STIM2: variants seen among roughly 807,000 people sequenced by gnomAD.
STIM2 encodes the protein stromal interaction molecule 2.
STIM2 carries 31 observed loss-of-function variants against 85.8 expected under a neutral mutation model. The observed-to-expected ratio is 0.36, with a 90% CI of 0.27 to 0.49. STIM2 has a LOEUF of 0.49. STIM2 is among the 20% of genes least tolerant of loss of function. The pLI, the probability that STIM2 is intolerant of heterozygous loss-of-function variation, is 0.98. For missense variants in STIM2, 841 were observed against 927.6 expected (o/e 0.91, Z 1.21); for synonymous variants, 356 against 331.1 (o/e 1.08, Z -0.82).
intron 3 of STIM2, among the ~76,000 whole-genome samples, chr4:26,994,547 T>A (rs1727887788): frequency 6.6e-6 from 1 of 152,106 alleles, no homozygotes; most frequent in Admixed American, 6.6e-5. Context: ...GACTGGACCA[T>A]TTTTAGTCTT....
chr4:26,923,252 T>C (rs558887774), intron 2 of STIM2, among the ~76,000 whole-genome samples: 249 of 150,162 alleles, frequency 1.7e-3, no homozygotes, highest in Non-Finnish European at 2.7e-3. Flanking sequence ...AGACCAAAAG[T>C]AGATAAAACC....
At chr4:26,921,991 C>A (rs1267245375) in intron 2 of STIM2, among the ~76,000 whole-genome samples, 1 of 152,166 alleles carries the variant, frequency 6.6e-6, no homozygotes, top group East Asian at 1.9e-4. Flanking sequence ...GAACCACCGA[C>A]TATATGATAA....
intron 1 of STIM2, among the ~76,000 whole-genome samples, chr4:26,890,411 T>C (rs958785381): frequency 6.6e-6 from 1 of 152,168 alleles, no homozygotes; most frequent in Non-Finnish European, 1.5e-5. Flanking sequence ...TGCCCCACTT[T>C]ATGAATCGTG....
chr4:26,944,539 G>A (rs1231244511), intron 2 of STIM2, among the ~76,000 whole-genome samples: 4 of 152,056 alleles, frequency 2.6e-5, no homozygotes, highest in East Asian at 3.8e-4. Context: ...TGCATTCATG[G>A]TGTTTTATCT....
chr4:26,952,678 A>G (rs1339283084), intron 2 of STIM2, among the ~76,000 whole-genome samples: 1 of 152,082 alleles, frequency 6.6e-6, no homozygotes, highest in Non-Finnish European at 1.5e-5. Context: ...ACACTGTGCT[A>G]TCTGTTTGAT....
At chr4:27,020,984 T>C in intron 11 of STIM2, 1 of 1,535,922 alleles carries the variant, frequency 6.5e-7, no homozygotes, top group Non-Finnish European at 8.7e-7. Context: ...AATCATTTCC[T>C]TTCATGGAGT....
chr4:26,878,730 G>GAC (rs1722898419), intron 1 of STIM2, among the ~76,000 whole-genome samples: 1 of 152,110 alleles, frequency 6.6e-6, no homozygotes, highest in African/African-American at 2.4e-5. Context: ...GGGTTTAACT[G>GAC]ACTCACATTT....
intron 1 of STIM2, among the ~76,000 whole-genome samples, chr4:26,887,833 A>G (rs771813563): frequency 5.9e-5 from 9 of 152,218 alleles, no homozygotes; most frequent in Non-Finnish European, 1.2e-4. Context: ...ATGTATCTAC[A>G]TATCTACATA....
chr4:26,975,500 A>G (rs1256934337), intron 3 of STIM2, among the ~76,000 whole-genome samples: 1 of 152,178 alleles, frequency 6.6e-6, no homozygotes, highest in Non-Finnish European at 1.5e-5. Flanking sequence ...AGTCAGGTGC[A>G]GGTCTGTTGG....
intron 1 of STIM2, among the ~76,000 whole-genome samples, chr4:26,868,873 CTG>C (rs1342075457): frequency 1.2e-4 from 19 of 152,160 alleles, no homozygotes; most frequent in Non-Finnish European, 2.8e-4. Flanking sequence ...CATATTCAGA[CTG>C]TATTAATCCT....
At chr4:27,019,422 A>T (rs1728842045) in intron 11 of STIM2, 2 of 1,289,624 alleles carry the variant, frequency 1.6e-6, no homozygotes, top group African/African-American at 3.0e-5. Context: ...CACCAGCAAG[A>T]TGCCTTTACT....
At chr4:26,942,230 C>T (rs1298977763) in intron 2 of STIM2, among the ~76,000 whole-genome samples, 1 of 152,098 alleles carries the variant, frequency 6.6e-6, no homozygotes, top group African/African-American at 2.4e-5. Flanking sequence ...TGTCTGTGTT[C>T]TTGCAAAGTG....
At chr4:26,972,926 T>C (rs1277576597) in intron 3 of STIM2, among the ~76,000 whole-genome samples, 1 of 152,232 alleles carries the variant, frequency 6.6e-6, no homozygotes, top group Non-Finnish European at 1.5e-5. Context: ...GAGCCTGTTA[T>C]TGTTCCATTC....
intron 1 of STIM2, among the ~76,000 whole-genome samples, chr4:26,914,855 GA>G (rs1724474442): frequency 6.6e-6 from 1 of 152,198 alleles, no homozygotes; most frequent in South Asian, 2.1e-4. Flanking sequence ...ATGTATTCTA[GA>G]TTGTGAATAT....
chr4:26,900,673 T>C (rs1418877816), intron 1 of STIM2, among the ~76,000 whole-genome samples: 3 of 152,240 alleles, frequency 2.0e-5, no homozygotes, highest in Non-Finnish European at 2.9e-5. Flanking sequence ...AGAAATAGTT[T>C]CTTGGAATCC....
At position 26,863,459 on chromosome 4, in the gene STIM2, A is replaced by G. The variant is rs893398485; in HGVS notation, c.151+2090A>G. 3.9e-5 allele frequency among the ~76,000 whole-genome samples: 6 copies of G among 152,252 alleles called. No individual in the cohort carries two copies. In the East Asian group the frequency reaches 1.2e-3, roughly 29 times the overall value. On this transcript the variant is annotated intron_variant, in intron 1 of 11. Transcript: ENST00000467087. ...CATATCTTGGTAAAGGTAAACTGAA[A>G]ATCTATGATGAAGTTAGAAAATATT...
intron 1 of STIM2, among the ~76,000 whole-genome samples, chr4:26,881,912 A>T (rs1238227544): frequency 6.6e-6 from 1 of 152,198 alleles, no homozygotes; most frequent in African/African-American, 2.4e-5. Flanking sequence ...CTAGAAGCAT[A>T]CTATTAAGTT....
chr4:26,980,747 A>G (rs1240987694), intron 3 of STIM2, among the ~76,000 whole-genome samples: 3 of 152,208 alleles, frequency 2.0e-5, no homozygotes, highest in African/African-American at 7.2e-5. Flanking sequence ...TCCAAATGCA[A>G]ACAGAGTCAA....
At position 27,022,737 on chromosome 4, in the gene STIM2, G is replaced by A; in HGVS notation, c.1982G>A (p.Ser661Asn). The change falls in exon 12 of 12, where the codon AGT becomes AAT. Residue 661 changes from serine (S) to asparagine (N), a missense_variant. Physicochemically the swap from Ser to Asn is conservative, Grantham distance 46. Transcript: ENST00000467087. The stretch of plus-strand genomic sequence containing the variant: ...TGTGTAGGTCTGACAGAAACTAAGA[G>A]TATGATCTTCAGTCCTGCAAGCAAA... 1 of 1,614,020 alleles carries A rather than the reference G, an allele frequency of 6.2e-7. No individual in the cohort carries two copies. Among genetic ancestry groups the A allele is most frequent in the Non-Finnish European group, 8.5e-7 (1 of 1,179,978 alleles).
Sources: gnomAD v4.1 joint callset for allele counts (sites outside exome capture counted in the v4.1 genomes callset) on GRCh38, gnomAD v4.1.1 for gene constraint, MANE v1.5 for transcripts, NCBI Gene and HGNC (gene_info 2026-07-23, HGNC 2026-07-21) for gene names.